Variants in AQR observed in about 807,000 individuals in gnomAD.
AQR encodes RNA helicase aquarius.
AQR carries 61 observed loss-of-function variants against 180.5 expected under a neutral mutation model. The ratio of observed to expected loss-of-function variants is 0.34; its 90% CI spans 0.28 to 0.42. The LOEUF (loss-of-function observed/expected upper bound fraction) is 0.42, where lower values mean the gene tolerates loss of function less well. AQR is among the 10% of genes least tolerant of loss of function. The pLI is 1.00. For missense variants in AQR, 1,281 were observed against 1,798.3 expected (o/e 0.71, Z 5.20); for synonymous variants, 551 against 588.8 (o/e 0.94, Z 0.93).
At chr15:34,953,649 A>G (rs1347273110) in intron 3 of AQR, among the ~76,000 whole-genome samples, 1 of 152,206 alleles carries the variant, frequency 6.6e-6, no homozygotes, top group African/African-American at 2.4e-5. Context: ...ACTGGCTTCT[A>G]CAGGCAGCCA....
intron 32 of AQR, among the ~76,000 whole-genome samples, chr15:34,867,074 GTTTGT>G (rs1278528595): frequency 6.6e-6 from 1 of 152,064 alleles, no homozygotes; most frequent in Non-Finnish European, 1.5e-5. Context: ...AAAGTAGATT[GTTTGT>G]TTTGACAATT....
At chr15:34,927,507 C>G (rs1395958839) in intron 12 of AQR, among the ~76,000 whole-genome samples, 1 of 152,222 alleles carries the variant, frequency 6.6e-6, no homozygotes. Context: ...AAGGGAAACT[C>G]TGGCTGCAGA....
At position 34,882,825 on chromosome 15, in the gene AQR, A is replaced by G. The variant is rs1242495059; in HGVS notation, c.3028-186T>C. ...TGAGTTTAAATAATAGCTGATATAA[A>G]AGTTATAATTCAAACTTTTTTGTAT... On this transcript the variant is annotated intron_variant, in intron 26 of 34. Coordinates refer to ENST00000156471, the MANE Select transcript of AQR (RefSeq NM_014691.3). 3.3e-5 allele frequency among the ~76,000 whole-genome samples: 5 copies of G among 152,198 alleles called. 1 individual carries two copies. The highest frequency in any genetic ancestry group is 3.3e-4 in the Admixed American group (5 of 15,278).
intron 34 of AQR, among the ~76,000 whole-genome samples, chr15:34,858,073 TC>T (rs1892615847): frequency 6.6e-6 from 1 of 151,966 alleles, no homozygotes; most frequent in Non-Finnish European, 1.5e-5. Context: ...AACCTCCGTC[TC>T]CCAGGTTCAA....
chr15:34,950,719 T>C (rs922091419), intron 4 of AQR, among the ~76,000 whole-genome samples: 1 of 152,216 alleles, frequency 6.6e-6, no homozygotes, highest in Non-Finnish European at 1.5e-5. Context: ...TCTCTGCTGT[T>C]CACTCTTGCT....
rs1892575873 is a variant in AQR at position 34,855,519 on chromosome 15, A to G, written c.*1273T>C. On this transcript the variant is annotated 3_prime_UTR_variant, in exon 35 of 35. Coordinates refer to ENST00000156471, the MANE Select transcript of AQR (RefSeq NM_014691.3). ...GCAATTTTCCCCTCTACACATACAT[A>G]TAAACATTTCCTTTTTTTTTTTTTT... The G allele has an allele frequency of 7.1e-6, 1 of 139,940 alleles. No homozygotes were observed. The highest frequency in any genetic ancestry group is 2.4e-4 in the South Asian group (1 of 4,100). 8.7% of individuals were successfully genotyped at this position (139,940 alleles called of 1,614,324 possible). A position where few individuals can be genotyped will look rare whatever the true frequency, so the allele number is the denominator to read the frequency against.
intron 1 of AQR, 126 bp from the exon 2 acceptor site, chr15:34,964,416 C>T (rs767187190): frequency 6.6e-4 from 532 of 803,956 alleles, no homozygotes; most frequent in Non-Finnish European, 8.5e-4. Context: ...CAGAGTATAT[C>T]TGAAGGCACT....
chr15:34,905,866 G>C (rs767069758), intron 18 of AQR, among the ~76,000 whole-genome samples: 17 of 151,300 alleles, frequency 1.1e-4, no homozygotes, highest in Non-Finnish European at 2.1e-4. Context: ...GTGAAACTCT[G>C]TCTCTACTAA....
At chr15:34,873,293 A>G (rs1892847289) in intron 30 of AQR, among the ~76,000 whole-genome samples, 1 of 152,120 alleles carries the variant, frequency 6.6e-6, no homozygotes, top group Non-Finnish European at 1.5e-5. Context: ...CCACCAAATT[A>G]TTTTCCTACT....
At chr15:34,909,851 C>G (rs535163574) in intron 17 of AQR, among the ~76,000 whole-genome samples, 12 of 152,202 alleles carry the variant, frequency 7.9e-5, no homozygotes, top group African/African-American at 2.9e-4. Context: ...ACTTAAAATG[C>G]TCTCCTCTAG....
chr15:34,964,399 T>G, intron 1 of AQR, 109 bp from the exon 2 acceptor site: 1 of 897,176 alleles, frequency 1.1e-6, no homozygotes, highest in Non-Finnish European at 1.8e-6. Flanking sequence ...TACTCGGCAC[T>G]GGGGGACAGA....
In AQR at chr15:34,930,818, C is replaced by CTTTTTTTTT. The variant is rs77229498; in HGVS notation, c.901-456_901-448dup. Among the ~76,000 whole-genome samples, 19 of 84,746 alleles carry CTTTTTTTTT rather than the reference C, an allele frequency of 2.2e-4. 1 individual carries two copies. The highest frequency in any genetic ancestry group is 6.0e-4 in the Admixed American group (4 of 6,660). The allele number at this position is 84,746 out of a possible 152,430, so 55.6% of individuals were successfully genotyped here. ...GGAGATACTTTTTTATACGCCACTT[C>CTTTTTTTTT]TTTTTTTTTTTTTTTTTTTTTTTTT... On this transcript the variant is annotated intron_variant, in intron 11 of 34. Coordinates refer to ENST00000156471, the MANE Select transcript of AQR (RefSeq NM_014691.3).
At chr15:34,918,434 A>C in intron 14 of AQR, 56 bp from the exon 15 acceptor site, 1 of 1,572,194 alleles carries the variant, frequency 6.4e-7, no homozygotes, top group Non-Finnish European at 8.6e-7. Flanking sequence ...TTTTCAATCA[A>C]AATAATTTAT....
At chr15:34,969,487 G>T in intron 1 of AQR, 52 bp downstream of exon 1, 1 of 1,602,072 alleles carries the variant, frequency 6.2e-7, no homozygotes. Flanking sequence ...ACCAGGCCTC[G>T]GGGCCACGAC....
intron 26 of AQR, 92 bp downstream of exon 26, chr15:34,884,431 CAA>C (rs2140468254): frequency 8.8e-7 from 1 of 1,142,814 alleles, no homozygotes; most frequent in East Asian, 2.8e-5. Flanking sequence ...AACAAAAAAA[CAA>C]AAGATTTGAA....
chr15:34,899,503 C>T (rs540255412), intron 20 of AQR, among the ~76,000 whole-genome samples: 22 of 151,544 alleles, frequency 1.5e-4, no homozygotes, highest in African/African-American at 2.2e-4. Flanking sequence ...CTCAGCTTCC[C>T]GAATAGCTGG....
chr15:34,931,893 T>C (rs535245191), intron 11 of AQR, among the ~76,000 whole-genome samples: 5 of 152,346 alleles, frequency 3.3e-5, no homozygotes, highest in Admixed American at 1.3e-4. Flanking sequence ...TGTGTCTTCC[T>C]AGCCAAGACA....
intron 7 of AQR, 70 bp from the exon 8 acceptor site, chr15:34,941,069 A>C: frequency 6.4e-6 from 7 of 1,088,482 alleles, no homozygotes; most frequent in Non-Finnish European, 8.0e-6. Context: ...TAGATCAACT[A>C]TTTGCTAGTT....
At chr15:34,922,722 T>C (rs371658083) in intron 13 of AQR, among the ~76,000 whole-genome samples, 2 of 152,010 alleles carry the variant, frequency 1.3e-5, no homozygotes, top group Non-Finnish European at 2.9e-5. Flanking sequence ...CCTGGCTAAT[T>C]GTTTTGATTT....
Sources: gnomAD v4.1 joint callset for allele counts (sites outside exome capture counted in the v4.1 genomes callset) on GRCh38, gnomAD v4.1.1 for gene constraint, MANE v1.5 for transcripts, NCBI Gene and HGNC (gene_info 2026-07-23, HGNC 2026-07-21) for gene names.